MED13L: variants seen among roughly 807,000 people sequenced by gnomAD.
MED13L encodes mediator complex subunit 13L, also known as mediator of RNA polymerase II transcription subunit 13-like.
A neutral mutation model predicts 220.9 loss-of-function variants in MED13L; 7 were observed. The observed-to-expected ratio is 0.03, with a 90% CI of 0.02 to 0.06. The LOEUF (loss-of-function observed/expected upper bound fraction) is 0.06, where lower values mean the gene tolerates loss of function less well. MED13L is among the 10% of genes least tolerant of loss of function. MED13L has a pLI of 1.00. For synonymous variants in MED13L, 1,011 were observed against 1,015.2 expected (o/e 1.00, Z 0.08); for missense variants, 1,965 against 2,760.5 (o/e 0.71, Z 6.46).
chr12:116,100,643 G>A (rs995431143), intron 3 of MED13L, among the ~76,000 whole-genome samples: 1 of 151,654 alleles, frequency 6.6e-6, no homozygotes, highest in Non-Finnish European at 1.5e-5. Context: ...AGGCATGGTG[G>A]CTCAGGCCTG....
chr12:116,226,827 C>T (rs1336613941), intron 2 of MED13L, among the ~76,000 whole-genome samples: 1 of 150,278 alleles, frequency 6.7e-6, no homozygotes, highest in Non-Finnish European at 1.5e-5. Context: ...AGAGACTGCA[C>T]CACCATACTC....
At chr12:116,265,637 G>C (rs1056206759) in intron 1 of MED13L, among the ~76,000 whole-genome samples, 5 of 152,168 alleles carry the variant, frequency 3.3e-5, no homozygotes, top group Non-Finnish European at 5.9e-5. Context: ...GTTCAGAACT[G>C]ATTTTAGAAA....
chr12:116,160,460 G>C (rs1418902466), intron 2 of MED13L, among the ~76,000 whole-genome samples: 1 of 152,080 alleles, frequency 6.6e-6, no homozygotes, highest in Non-Finnish European at 1.5e-5. Context: ...GATGTAGCAG[G>C]AAACCTGGAT....
At chr12:116,250,428 A>G (rs1026998462) in intron 1 of MED13L, among the ~76,000 whole-genome samples, 1 of 151,922 alleles carries the variant, frequency 6.6e-6, no homozygotes, top group Non-Finnish European at 1.5e-5. Context: ...ACAAAAGAAG[A>G]ACAATTACCA....
intron 2 of MED13L, among the ~76,000 whole-genome samples, chr12:116,190,446 C>A (rs900311145): frequency 1.2e-4 from 18 of 152,106 alleles, no homozygotes; most frequent in African/African-American, 4.3e-4. Context: ...AAGTATGGAA[C>A]TTGTGAATAC....
chr12:115,983,123 T>C lies in MED13L; in HGVS notation c.4949A>G (p.Gln1650Arg), dbSNP rs746027915. ...QSSSQPSQDG[Q>R]ESVTERERIG... ...CAATTAGTGAATAACATACCTCTCTTGTCCATCCTGTGAGGGCTGAGAAGA... is the reference window on the plus strand; with the variant it reads ...CAATTAGTGAATAACATACCTCTCTCGTCCATCCTGTGAGGGCTGAGAAGA... The change falls in exon 21 of 31, where the codon CAA becomes CGA. Residue 1650 changes from glutamine (Q) to arginine (R), a missense_variant. Coordinates refer to ENST00000281928, the MANE Select transcript of MED13L (RefSeq NM_015335.5). 17 of 1,613,928 alleles carry C rather than the reference T, an allele frequency of 1.1e-5. No individual in the cohort carries two copies. The African/African-American group carries it at 2.1e-4, about 20-fold the overall frequency.
intron 2 of MED13L, among the ~76,000 whole-genome samples, chr12:116,142,840 TATA>T (rs769165462): frequency 6.6e-6 from 1 of 152,238 alleles, no homozygotes; most frequent in Non-Finnish European, 1.5e-5. Flanking sequence ...AATTGACCAT[TATA>T]ATATGATGGA....
At chr12:116,099,330 T>G (rs1041372193) in intron 3 of MED13L, among the ~76,000 whole-genome samples, 12 of 152,318 alleles carry the variant, frequency 7.9e-5, no homozygotes, top group Admixed American at 5.9e-4. Flanking sequence ...TAATGCTTCT[T>G]TAGTCTCCAA....
chr12:116,213,665 G>A (rs1314489116), intron 2 of MED13L, among the ~76,000 whole-genome samples: 2 of 152,054 alleles, frequency 1.3e-5, no homozygotes, highest in African/African-American at 4.8e-5. Flanking sequence ...CACCCACCTC[G>A]GACTCCCAAA....
intron 2 of MED13L, among the ~76,000 whole-genome samples, chr12:116,185,660 TTTCTTTTCTTTTCTTTTC>T (rs956644291): frequency 1.1e-3 from 13 of 12,202 alleles, no homozygotes; most frequent in Admixed American, 8.7e-3. Flanking sequence ...ATGCTTTTCT[TTTCTTTTCTTTTCTTTTC>T]TTTTCTTTTC....
At chr12:115,965,559 A>G (rs1876094743) in intron 29 of MED13L, among the ~76,000 whole-genome samples, 1 of 152,240 alleles carries the variant, frequency 6.6e-6, no homozygotes, top group Admixed American at 6.5e-5. Flanking sequence ...TGTTTTTAAC[A>G]TAAACTGCAA....
chr12:116,055,759 T>G (rs2137607685), intron 4 of MED13L, among the ~76,000 whole-genome samples: 1 of 152,214 alleles, frequency 6.6e-6, no homozygotes, highest in South Asian at 2.1e-4. Flanking sequence ...CCGGGCTTGA[T>G]AGCGGGTGCC....
intron 2 of MED13L, among the ~76,000 whole-genome samples, chr12:116,142,010 T>G (rs1228203471): frequency 6.6e-6 from 1 of 152,106 alleles, no homozygotes; most frequent in Non-Finnish European, 1.5e-5. Context: ...GACCTTTGTA[T>G]TTACTGTTCT....
intron 19 of MED13L, 73 bp downstream of exon 19, chr12:115,986,193 G>C (rs948460442): frequency 7.0e-7 from 1 of 1,426,028 alleles, no homozygotes; most frequent in Non-Finnish European, 9.9e-7. Flanking sequence ...CATTTGTCTT[G>C]AAATTTAGTC....
intron 23 of MED13L, among the ~76,000 whole-genome samples, chr12:115,975,945 T>G (rs1876909084): frequency 6.6e-6 from 1 of 152,106 alleles, no homozygotes; most frequent in Non-Finnish European, 1.5e-5. Flanking sequence ...GGAAACTCAA[T>G]CAAGCCAGTA....
chr12:116,185,982 C>T (rs1022215152), intron 2 of MED13L, among the ~76,000 whole-genome samples: 6 of 152,222 alleles, frequency 3.9e-5, no homozygotes, highest in South Asian at 2.1e-4. Context: ...GCGTGAGCCA[C>T]GGGCCCAGCC....
intron 1 of MED13L, among the ~76,000 whole-genome samples, chr12:116,267,320 C>T (rs765006529): frequency 4.6e-5 from 7 of 152,126 alleles, no homozygotes; most frequent in South Asian, 2.1e-4. Flanking sequence ...GGCTTATTTA[C>T]GAGGAAAGAC....
At chr12:116,090,738 G>A (rs1565872420) in intron 4 of MED13L, among the ~76,000 whole-genome samples, 1 of 152,194 alleles carries the variant, frequency 6.6e-6, no homozygotes, top group East Asian at 1.9e-4. Flanking sequence ...TGAACAAGGA[G>A]AGATTTGTTT....
intron 16 of MED13L, among the ~76,000 whole-genome samples, chr12:115,996,128 TCGCCCAGG>T (rs1878387178): frequency 2.0e-5 from 3 of 152,088 alleles, no homozygotes; most frequent in Non-Finnish European, 2.9e-5. Flanking sequence ...TCTCACTCTG[TCGCCCAGG>T]CTGGAGGGCA....
Sources: allele counts gnomAD v4.1 joint callset (sites outside exome capture counted in the v4.1 genomes callset), GRCh38; gene constraint gnomAD v4.1.1; transcripts MANE v1.5; gene names NCBI Gene and HGNC (gene_info 2026-07-23, HGNC 2026-07-21).